Variants in GRIP1 observed in about 807,000 individuals in gnomAD.
GRIP1 encodes glutamate receptor interacting protein 1.
Under a neutral mutation model 129.9 loss-of-function variants are expected in GRIP1, and 45 were observed. The ratio of observed to expected loss-of-function variants is 0.35; its 90% confidence interval spans 0.27 to 0.44. GRIP1 has a LOEUF of 0.44. Among genes scored for constraint, GRIP1 ranks in the 20% least tolerant of loss-of-function variants. The pLI is 1.00. For synonymous variants in GRIP1, 530 were observed against 520.8 expected, an observed-to-expected ratio of 1.02 and a Z score of -0.24; for missense variants, 1,196 against 1,396.8, an observed-to-expected ratio of 0.86 and a Z score of 2.29.
At chr12:67,066,101 G>GC (rs2043619586) in intron 1 of GRIP1, among the ~76,000 whole-genome samples, 2 of 152,130 alleles carry the variant, frequency 1.3e-5, no homozygotes, top group Admixed American at 6.5e-5. Context: ...TGCATTTACT[G>GC]CAACAACCCA....
intron 15 of GRIP1, among the ~76,000 whole-genome samples, chr12:66,412,738 A>T (rs2057446460): frequency 6.6e-6 from 1 of 152,172 alleles, no homozygotes; most frequent in East Asian, 1.9e-4. Context: ...TCTTCAAGAG[A>T]CCTATCTCAC....
chr12:66,358,174 C>T (rs534921070), intron 23 of GRIP1, among the ~76,000 whole-genome samples: 4 of 152,300 alleles, frequency 2.6e-5, no homozygotes, highest in South Asian at 2.1e-4. Context: ...GGATTACAGG[C>T]GTAAGCCACC....
chr12:66,383,729 C>T lies in GRIP1; in HGVS notation c.2465-4293G>A, dbSNP rs567264001. ...GCAGACTACCTGTTGCTCATCAGAA[C>T]ATTCATTCTCTTCTTCGTCCTTAGT... On this transcript the variant is annotated intron_variant, in intron 19 of 24. Transcript: ENST00000359742. Among the ~76,000 whole-genome samples, 4 of 152,312 alleles carry T rather than the reference C, an allele frequency of 2.6e-5. No homozygotes were observed. The East Asian group carries it at 7.7e-4, about 29-fold the overall frequency.
chr12:66,579,227 G>C (rs372846859), intron 2 of GRIP1, among the ~76,000 whole-genome samples: 8 of 152,158 alleles, frequency 5.3e-5, no homozygotes, highest in East Asian at 3.9e-4. Context: ...AACTAACAAA[G>C]AGAAAGGACA....
chr12:66,834,417 T>C (rs117780255), intron 1 of GRIP1, among the ~76,000 whole-genome samples: 2 of 152,088 alleles, frequency 1.3e-5, no homozygotes, highest in African/African-American at 2.4e-5. Context: ...AGTATGTGCA[T>C]GAGAAAACAG....
intron 2 of GRIP1, among the ~76,000 whole-genome samples, chr12:66,557,047 A>T (rs977655054): frequency 6.3e-5 from 9 of 143,126 alleles, no homozygotes; most frequent in East Asian, 1.9e-4. Flanking sequence ...CTGAATGGAT[A>T]AAAAAAAAGA....
intron 1 of GRIP1, among the ~76,000 whole-genome samples, chr12:67,061,126 G>A (rs977710249): frequency 6.6e-6 from 1 of 152,190 alleles, no homozygotes; most frequent in East Asian, 1.9e-4. Flanking sequence ...GGAGTCCAAA[G>A]GGGAACCTCA....
intron 1 of GRIP1, among the ~76,000 whole-genome samples, chr12:66,729,137 C>A (rs1167921914): frequency 1.3e-5 from 2 of 151,640 alleles, no homozygotes; most frequent in Non-Finnish European, 2.9e-5. Context: ...ATCTTCCCAC[C>A]TTGGCCTCCA....
At position 66,998,421 on chromosome 12, in the gene GRIP1, T is replaced by TAA. The variant is rs35980470; in HGVS notation, c.58+70627_58+70628dup. 9.4e-3 allele frequency among the ~76,000 whole-genome samples: 1,399 copies of TAA among 148,656 alleles called. 26 individuals carry two copies. Among genetic ancestry groups the TAA allele is most frequent in the African/African-American group, 0.032 (1,321 of 41,190 alleles). ...GTATACTACCCAGGTACTTTTCTGA[T>TAA]AAAAAAAAATATATATTTGTTTATG... On this transcript the variant is annotated intron_variant, in intron 1 of 1. Coordinates refer to the GRIP1 transcript ENST00000643019.
intron 4 of GRIP1, among the ~76,000 whole-genome samples, chr12:66,535,143 A>G (rs1047846226): frequency 6.6e-6 from 1 of 152,160 alleles, no homozygotes; most frequent in Non-Finnish European, 1.5e-5. Flanking sequence ...CTAGCTCTGA[A>G]TCACCCACAA....
At chr12:67,016,914 T>C (rs2042796904) in intron 1 of GRIP1, among the ~76,000 whole-genome samples, 1 of 152,206 alleles carries the variant, frequency 6.6e-6, no homozygotes, top group Non-Finnish European at 1.5e-5. Flanking sequence ...GTAAAAGATG[T>C]ATAATTACTA....
At position 66,371,873 on chromosome 12, in the gene GRIP1, G is replaced by A. The variant is rs372391823; in HGVS notation, c.2833C>T (p.Arg945Cys). 146 of 1,613,284 alleles carry A rather than the reference G, an allele frequency of 9.0e-5. No individual in the cohort carries two copies. Among genetic ancestry groups the A allele is most frequent in the Admixed American group, 1.2e-4 (7 of 60,004 alleles). The change falls in exon 23 of 25, where the codon CGC becomes TGC. Residue 945 changes from arginine (R) to cysteine (C), a missense_variant. Around this residue, in one of 5 missense-constraint regions of GRIP1, gnomAD observed 427 missense variants for 463.3 expected, o/e 0.92. Coordinates refer to ENST00000359742, the MANE Select transcript of GRIP1 (RefSeq NM_001366722.1). ...MSLNHEAPTP[R>C]SQLGRQASFQ... ...CTGGCCTGTCGCCCCAGCTGACTGC[G>A]AGGTGTTGGAGCCTCATGATTCAAA... is the stretch of plus-strand genomic sequence containing the variant.
intron 1 of GRIP1, among the ~76,000 whole-genome samples, chr12:66,791,775 T>C (rs1592850149): frequency 6.6e-6 from 1 of 152,184 alleles, no homozygotes; most frequent in East Asian, 1.9e-4. Flanking sequence ...AATGCACCTG[T>C]CACCCGAATA....
At chr12:66,911,152 G>A (rs938334699) in intron 1 of GRIP1, among the ~76,000 whole-genome samples, 1 of 152,202 alleles carries the variant, frequency 6.6e-6, no homozygotes, top group African/African-American at 2.4e-5. Context: ...TTTATCAGGT[G>A]CTACAACAGT....
intron 19 of GRIP1, among the ~76,000 whole-genome samples, chr12:66,381,270 CAA>C (rs532201573): frequency 6.4e-4 from 98 of 152,280 alleles, no homozygotes; most frequent in African/African-American, 2.2e-3. Context: ...TAGATAACTG[CAA>C]AAGTGTGGTT....
At chr12:66,393,885 G>A (rs1209244481) in intron 17 of GRIP1, among the ~76,000 whole-genome samples, 1 of 152,178 alleles carries the variant, frequency 6.6e-6, no homozygotes, top group Non-Finnish European at 1.5e-5. Flanking sequence ...AATTGGACAA[G>A]CTGTTCAACC....
chr12:66,793,899 T>G (rs1292764641), intron 1 of GRIP1, among the ~76,000 whole-genome samples: 1 of 152,216 alleles, frequency 6.6e-6, no homozygotes, highest in Non-Finnish European at 1.5e-5. Context: ...ATAGTATTAG[T>G]CTCATGGAGT....
chr12:66,354,876 C>T (rs972535374), intron 23 of GRIP1, among the ~76,000 whole-genome samples: 2 of 152,222 alleles, frequency 1.3e-5, no homozygotes, highest in Non-Finnish European at 2.9e-5. Flanking sequence ...ATCAAGCTGA[C>T]TGGGTCAACA....
chr12:66,873,669 A>G (rs752568646), intron 1 of GRIP1, among the ~76,000 whole-genome samples: 1 of 151,970 alleles, frequency 6.6e-6, no homozygotes, highest in African/African-American at 2.4e-5. Flanking sequence ...TATAGTTTGT[A>G]TTTTCTTCCA....
Sources: allele counts gnomAD v4.1 joint callset (sites outside exome capture counted in the v4.1 genomes callset), GRCh38; gene constraint gnomAD v4.1.1; regional missense constraint gnomAD v4.1.1; transcripts MANE v1.5; gene names NCBI Gene and HGNC (gene_info 2026-07-23, HGNC 2026-07-21).